Variants in MYO5B observed in about 807,000 individuals in gnomAD.
MYO5B encodes the protein unconventional myosin-Vb.
Under a neutral mutation model 229.3 loss-of-function variants are expected in MYO5B, and 143 were observed. The ratio of observed to expected loss-of-function variants is 0.62; its 90% CI spans 0.54 to 0.72. The LOEUF (loss-of-function observed/expected upper bound fraction) is 0.72. Ranked by LOEUF, MYO5B falls within the 30% of genes least tolerant of loss-of-function variation. MYO5B has a pLI of 0.00. For missense variants in MYO5B, 2,321 were observed against 2,331.0 expected (o/e 1.00, Z 0.09); for synonymous variants, 918 against 885.2 (o/e 1.04, Z -0.66).
intron 1 of MYO5B, among the ~76,000 whole-genome samples, chr18:50,181,135 T>C (rs1012647579): frequency 2.6e-5 from 4 of 152,256 alleles, no homozygotes; most frequent in South Asian, 2.1e-4. Flanking sequence ...TCAATAGATA[T>C]TTATTAATGC....
intron 17 of MYO5B, among the ~76,000 whole-genome samples, chr18:49,913,194 T>C (rs2024976614): frequency 1.3e-5 from 2 of 152,208 alleles, no homozygotes; most frequent in Admixed American, 6.5e-5. Flanking sequence ...GAGGGGAATC[T>C]TTAAAGAAAG....
At chr18:49,922,349 T>C (rs2025084044) in intron 17 of MYO5B, among the ~76,000 whole-genome samples, 1 of 152,198 alleles carries the variant, frequency 6.6e-6, no homozygotes, top group Non-Finnish European at 1.5e-5. Flanking sequence ...GGTTGGCAGA[T>C]GGAAAAGATT....
At chr18:50,153,841 A>C (rs2032638566) in intron 1 of MYO5B, among the ~76,000 whole-genome samples, 1 of 152,112 alleles carries the variant, frequency 6.6e-6, no homozygotes, top group African/African-American at 2.4e-5. Flanking sequence ...GAGTGACGAC[A>C]CCAGTGAGTG....
chr18:49,889,158 T>C (rs1396581571), intron 22 of MYO5B, among the ~76,000 whole-genome samples: 4 of 152,254 alleles, frequency 2.6e-5, no homozygotes, highest in African/African-American at 7.2e-5. Context: ...AATAAATGTG[T>C]TTATAGTTGA....
chr18:50,152,172 A>G (rs955522932), intron 1 of MYO5B, among the ~76,000 whole-genome samples: 5 of 152,200 alleles, frequency 3.3e-5, no homozygotes, highest in Middle Eastern at 3.2e-3. Context: ...CAGCCTACTG[A>G]TCCCGAGTCC....
intron 1 of MYO5B, among the ~76,000 whole-genome samples, chr18:50,089,529 A>G (rs1478381810): frequency 2.6e-5 from 4 of 151,062 alleles, no homozygotes; most frequent in African/African-American, 7.3e-5. Flanking sequence ...CTTGAGCCCA[A>G]GAGTTTGAGA....
chr18:50,114,780 C>A (rs1157669939), intron 1 of MYO5B, among the ~76,000 whole-genome samples: 1 of 152,136 alleles, frequency 6.6e-6, no homozygotes, highest in Non-Finnish European at 1.5e-5. Context: ...GTGGGGAAGA[C>A]CAGTAATGCT....
chr18:50,103,934 A>G (rs1425466776), intron 1 of MYO5B, among the ~76,000 whole-genome samples: 1 of 151,784 alleles, frequency 6.6e-6, no homozygotes, highest in Non-Finnish European at 1.5e-5. Flanking sequence ...TAAATGTAAC[A>G]TAAGGATCAC....
intron 22 of MYO5B, among the ~76,000 whole-genome samples, chr18:49,892,690 A>G (rs2024729395): frequency 6.6e-6 from 1 of 152,198 alleles, no homozygotes; most frequent in Non-Finnish European, 1.5e-5. Context: ...AAAACAAAAA[A>G]AAGCCAGCCA....
chr18:49,953,828 C>A (rs17658886), intron 13 of MYO5B, among the ~76,000 whole-genome samples: 2 of 151,592 alleles, frequency 1.3e-5, no homozygotes, highest in Admixed American at 6.6e-5. Context: ...TGTTTACAGC[C>A]CTCCCTTCTC....
chr18:50,177,139 A>T (rs190219234), intron 1 of MYO5B, among the ~76,000 whole-genome samples: 1 of 143,242 alleles, frequency 7.0e-6, no homozygotes, highest in Non-Finnish European at 1.5e-5. Flanking sequence ...TTTCATGGAA[A>T]CACAGGCCAT....
chr18:50,038,941 A>G (rs12962799), intron 3 of MYO5B, among the ~76,000 whole-genome samples: 26,356 of 152,192 alleles, frequency 0.17, 2,874 homozygotes, highest in Middle Eastern at 0.26. Context: ...TTGGGAAATC[A>G]CAGCTCTCAA....
chr18:50,108,634 G>T (rs1295725649), intron 1 of MYO5B, among the ~76,000 whole-genome samples: 1 of 152,088 alleles, frequency 6.6e-6, no homozygotes, highest in Non-Finnish European at 1.5e-5. Flanking sequence ...CTATGCAGAT[G>T]GACCCCCGAC....
chr18:50,070,016 G>GTTTTTTTTTTTT (rs2030915299), intron 1 of MYO5B, among the ~76,000 whole-genome samples: 2 of 133,156 alleles, frequency 1.5e-5, no homozygotes, highest in African/African-American at 6.1e-5. Context: ...TTGCAATTTA[G>GTTTTTTTTTTTT]TCTTTTTTTT....
chr18:50,163,778 G>T (rs1395030748), intron 1 of MYO5B, among the ~76,000 whole-genome samples: 1 of 152,152 alleles, frequency 6.6e-6, no homozygotes, highest in Non-Finnish European at 1.5e-5. Flanking sequence ...CATGGAGCTG[G>T]CCCCTCCCAT....
intron 1 of MYO5B, among the ~76,000 whole-genome samples, chr18:50,089,258 G>GTCCC (rs2031395606): frequency 6.6e-6 from 1 of 151,990 alleles, no homozygotes. Flanking sequence ...CATGCCTGTA[G>GTCCC]TCCCAGCTAC....
chr18:50,017,156 C>T (rs1184630112), intron 4 of MYO5B, among the ~76,000 whole-genome samples: 2 of 152,140 alleles, frequency 1.3e-5, no homozygotes, highest in Non-Finnish European at 2.9e-5. Context: ...CTCACTCTGT[C>T]ACCCAGACTG....
At chr18:49,856,915 G>C (rs559816059) in intron 29 of MYO5B, 25 bp from the exon 30 acceptor site, 1 of 1,585,348 alleles carries the variant, frequency 6.3e-7, no homozygotes, top group African/African-American at 1.3e-5. Context: ...CAGAAAAACA[G>C]GGTGTCCAGT....
intron 26 of MYO5B, among the ~76,000 whole-genome samples, chr18:49,872,464 T>A (rs548275970): frequency 4.3e-4 from 65 of 152,218 alleles, no homozygotes; most frequent in African/African-American, 1.5e-3. Flanking sequence ...TTCACTCACA[T>A]GGTCCCCACA....
Sources: allele counts gnomAD v4.1 joint callset (sites outside exome capture counted in the v4.1 genomes callset), GRCh38; gene constraint gnomAD v4.1.1; transcripts MANE v1.5; gene names NCBI Gene and HGNC (gene_info 2026-07-23, HGNC 2026-07-21).